PLA2G4E: variants seen among roughly 807,000 people sequenced by gnomAD.
PLA2G4E encodes the protein cytosolic phospholipase A2 epsilon.
PLA2G4E carries 84 observed loss-of-function variants against 109.1 expected under a neutral mutation model. The ratio of observed to expected loss-of-function variants is 0.77; its 90% CI spans 0.65 to 0.92. The LOEUF (loss-of-function observed/expected upper bound fraction) is 0.92, where lower values mean the gene tolerates loss of function less well. PLA2G4E is among the 40% of genes least tolerant of loss of function. PLA2G4E has a pLI of 0.00. For missense variants in PLA2G4E, 1,057 were observed against 1,076.6 expected (o/e 0.98, Z 0.25); for synonymous variants, 469 against 436.1 (o/e 1.08, Z -0.94).
In PLA2G4E at chr15:41,999,661, G is replaced by A; in HGVS notation, c.937-100C>T. 1.0e-5 allele frequency: 14 copies of A among 1,401,952 alleles called. No individual in the cohort carries two copies. The South Asian group carries it at 1.7e-4, about 17-fold the overall frequency. The allele number at this position is 1,401,952 out of a possible 1,614,324, so 86.8% of individuals were successfully genotyped here. On this transcript the variant is annotated intron_variant, in intron 9 of 19. Coordinates refer to ENST00000399518, the Ensembl canonical transcript of PLA2G4E. Reference sequence around the variant, plus strand: ...CCCAGACCCCACTCAGCACACACGTGCACACACAGGCGCTCCATCCCTGCC... The same window carrying A: ...CCCAGACCCCACTCAGCACACACGTACACACACAGGCGCTCCATCCCTGCC...
At chr15:42,007,907 G>A (rs72726075) in intron 2 of PLA2G4E, 42 bp from the exon 3 acceptor site, 58,761 of 1,565,960 alleles carry the variant, frequency 0.038, 1,621 homozygotes, top group South Asian at 0.11. Flanking sequence ...GGTTCAGAGA[G>A]AACATGTGGA....
At chr15:42,039,580 T>G (rs1358796691) in intron 1 of PLA2G4E, among the ~76,000 whole-genome samples, 1 of 152,120 alleles carries the variant, frequency 6.6e-6, no homozygotes, top group Non-Finnish European at 1.5e-5. Context: ...TGTATGTATA[T>G]ACACATATAC....
At chr15:41,999,186 C>T (rs1287744248) in intron 10 of PLA2G4E, 1 of 201,140 alleles carries the variant, frequency 5.0e-6, no homozygotes, top group East Asian at 1.1e-4. Context: ...AAGTAAAGTC[C>T]TTTGTGCTTC....
At chr15:42,015,819 G>A (rs1026823179) in intron 1 of PLA2G4E, among the ~76,000 whole-genome samples, 1 of 152,226 alleles carries the variant, frequency 6.6e-6, no homozygotes, top group African/African-American at 2.4e-5. Flanking sequence ...GCAGAGGTGA[G>A]GCGCGTTTCT....
At chr15:42,000,232 C>A (rs1289737554) in exon 8 of PLA2G4E, 1 of 1,583,050 alleles carries the variant, frequency 6.3e-7, no homozygotes, top group South Asian at 1.2e-5. Flanking sequence ...CAGGGCCGGA[C>A]ACGCTGGGTG....
chr15:41,987,964 C>T (rs1050330970), intron 16 of PLA2G4E, 85 bp downstream of exon 16: 96 of 744,630 alleles, frequency 1.3e-4, no homozygotes, highest in Admixed American at 1.1e-3. Context: ...GAGGGAAAGC[C>T]GGGGGCCGCC....
At chr15:41,985,776 G>A in intron 18 of PLA2G4E, 63 bp downstream of exon 18, 3 of 1,531,372 alleles carry the variant, frequency 2.0e-6, no homozygotes, top group Non-Finnish European at 2.7e-6. Context: ...TGAGGCCACT[G>A]ACTGCGGGGC....
At chr15:42,023,679 C>T (rs954076275) in intron 1 of PLA2G4E, among the ~76,000 whole-genome samples, 38 of 151,980 alleles carry the variant, frequency 2.5e-4, no homozygotes, top group African/African-American at 8.9e-4. Flanking sequence ...CACTCCCCCA[C>T]CCTTCCCAAT....
At chr15:42,040,777 G>A (rs1889301575) in intron 1 of PLA2G4E, among the ~76,000 whole-genome samples, 1 of 152,154 alleles carries the variant, frequency 6.6e-6, no homozygotes, top group Admixed American at 6.5e-5. Context: ...GAATCATATG[G>A]AGATCTTTAA....
intron 1 of PLA2G4E, among the ~76,000 whole-genome samples, chr15:42,026,967 T>C (rs543512982): frequency 0.013 from 1,424 of 109,130 alleles, 23 homozygotes; most frequent in African/African-American, 0.049. Context: ...AGCAAGACTC[T>C]ATCTCAAAAA....
At position 42,004,638 on chromosome 15, in the gene PLA2G4E, C is replaced by A. The variant is rs980860715; in HGVS notation, c.566+300G>T. On this transcript the variant is annotated intron_variant, in intron 5 of 19. Coordinates refer to ENST00000399518, the Ensembl canonical transcript of PLA2G4E. Reference sequence around the variant, plus strand: ...CATCGCCATGGTGGCAGGAACTCTTCCCAGAAGCCACCCTTGGGAATGTAG... The same window carrying A: ...CATCGCCATGGTGGCAGGAACTCTTACCAGAAGCCACCCTTGGGAATGTAG... Among the ~76,000 whole-genome samples, 13 of 152,136 alleles carry A rather than the reference C, an allele frequency of 8.5e-5. 1 individual carries two copies. Among genetic ancestry groups the A allele is most frequent in the Admixed American group, 7.9e-4 (12 of 15,280 alleles).
chr15:42,022,765 C>T (rs2068659344), intron 1 of PLA2G4E, among the ~76,000 whole-genome samples: 1 of 152,150 alleles, frequency 6.6e-6, no homozygotes, highest in Non-Finnish European at 1.5e-5. Flanking sequence ...GCTGTGTGGC[C>T]TGGTTCCAAA....
intron 13 of PLA2G4E, 25 bp from the exon 14 acceptor site, chr15:41,990,260 G>C: frequency 6.2e-7 from 1 of 1,604,280 alleles, no homozygotes; most frequent in Non-Finnish European, 8.5e-7. Flanking sequence ...AATGGTTAAA[G>C]AGAAGCAGCA....
At chr15:41,984,723 C>G in intron 18 of PLA2G4E, 104 bp from the exon 19 acceptor site, 1 of 1,105,610 alleles carries the variant, frequency 9.0e-7, no homozygotes, top group Non-Finnish European at 1.2e-6. Context: ...GCTAACAACT[C>G]AGCTCCCCAA....
chr15:42,037,907 G>T (rs1388427546), intron 1 of PLA2G4E, among the ~76,000 whole-genome samples: 2 of 152,204 alleles, frequency 1.3e-5, no homozygotes, highest in African/African-American at 2.4e-5. Context: ...GCTGCTCTAT[G>T]CAGTCTCCCT....
intron 1 of PLA2G4E, among the ~76,000 whole-genome samples, chr15:42,040,007 A>G (rs1246159344): frequency 1.3e-5 from 2 of 152,216 alleles, no homozygotes; most frequent in Non-Finnish European, 2.9e-5. Context: ...AAAATTAAGG[A>G]GAGAAAACTA....
chr15:41,987,259 A>C (rs900907427), exon 17 of PLA2G4E: 9 of 1,613,838 alleles, frequency 5.6e-6, no homozygotes, highest in African/African-American at 1.3e-5. Context: ...GACACGAAGG[A>C]CCGATGGGTA....
At chr15:41,995,778 C>T (rs1028706131) in intron 11 of PLA2G4E, among the ~76,000 whole-genome samples, 1 of 152,196 alleles carries the variant, frequency 6.6e-6, no homozygotes, top group African/African-American at 2.4e-5. Context: ...GAGTTCTTAG[C>T]ACTGTTAGTC....
chr15:42,040,756 G>C (rs879031605), intron 1 of PLA2G4E, among the ~76,000 whole-genome samples: 1 of 152,172 alleles, frequency 6.6e-6, no homozygotes. Context: ...CCAGAACTTC[G>C]CTGAACATTG....
Sources: allele counts gnomAD v4.1 joint callset (sites outside exome capture counted in the v4.1 genomes callset), GRCh38; gene constraint gnomAD v4.1.1; transcripts MANE v1.5; gene names NCBI Gene and HGNC (gene_info 2026-07-23, HGNC 2026-07-21).